Variants in USH2A observed in about 807,000 individuals in gnomAD.
USH2A encodes the protein usherin, also known as Usher syndrome 2A (autosomal recessive, mild).
A neutral mutation model predicts 538.9 loss-of-function variants in USH2A; 443 were observed. The observed-to-expected ratio is 0.82, with a 90% CI of 0.76 to 0.89. The LOEUF (loss-of-function observed/expected upper bound fraction) is 0.89. USH2A is among the 40% of genes least tolerant of loss of function. USH2A has a pLI of 0.00. For missense variants in USH2A, 6,633 were observed against 6,324.8 expected, an observed-to-expected ratio of 1.05 and a Z score of -1.65; for synonymous variants, 2,413 against 2,273.5, an observed-to-expected ratio of 1.06 and a Z score of -1.75.
chr1:216,139,443 A>T (rs763839798), intron 21 of USH2A, among the ~76,000 whole-genome samples: 1 of 152,044 alleles, frequency 6.6e-6, no homozygotes, highest in East Asian at 1.9e-4. Context: ...AAAAAGAAAA[A>T]ATTCATTTTC....
chr1:216,421,796 T>G, intron 2 of USH2A, 56 bp downstream of exon 2: 1 of 1,613,156 alleles, frequency 6.2e-7, no homozygotes, highest in Non-Finnish European at 8.5e-7. Flanking sequence ...TGAAATGATC[T>G]TCACTACTAC....
chr1:216,109,886 G>A (rs1293530183), intron 21 of USH2A, among the ~76,000 whole-genome samples: 1 of 152,000 alleles, frequency 6.6e-6, no homozygotes, highest in Non-Finnish European at 1.5e-5. Flanking sequence ...TGTAAAAATT[G>A]ATGTATTTAT....
At chr1:215,870,310 T>A (rs970054906) in intron 43 of USH2A, among the ~76,000 whole-genome samples, 2 of 151,678 alleles carry the variant, frequency 1.3e-5, no homozygotes, top group African/African-American at 4.8e-5. Flanking sequence ...TTATTTATTT[T>A]TTTGAGACGG....
intron 43 of USH2A, 65 bp downstream of exon 43, chr1:215,877,693 T>G: frequency 1.2e-6 from 2 of 1,607,932 alleles, no homozygotes; most frequent in Non-Finnish European, 1.7e-6. Flanking sequence ...CTGAGATACT[T>G]TGAACTATTC....
At chr1:215,782,390 TAA>T (rs1558095542) in intron 53 of USH2A, among the ~76,000 whole-genome samples, 194 bp from the exon 54 acceptor site, 1 of 151,800 alleles carries the variant, frequency 6.6e-6, no homozygotes, top group Non-Finnish European at 1.5e-5. Flanking sequence ...ACATAAATGA[TAA>T]GAGTCATTTA....
At chr1:215,761,998 C>A (rs1337294221) in intron 56 of USH2A, among the ~76,000 whole-genome samples, 1 of 152,174 alleles carries the variant, frequency 6.6e-6, no homozygotes. Flanking sequence ...GAACAAAATG[C>A]AATTTATTTA....
At chr1:216,190,985 A>G (rs1200896397) in intron 19 of USH2A, among the ~76,000 whole-genome samples, 1 of 152,090 alleles carries the variant, frequency 6.6e-6, no homozygotes, top group Non-Finnish European at 1.5e-5. Context: ...TATCTTTATC[A>G]TATAATTTCA....
At chr1:216,154,244 T>C (rs1470783152) in intron 21 of USH2A, among the ~76,000 whole-genome samples, 2 of 152,200 alleles carry the variant, frequency 1.3e-5, no homozygotes, top group East Asian at 3.9e-4. Flanking sequence ...TTCATTGAAA[T>C]TGTACAAGAT....
intron 40 of USH2A, among the ~76,000 whole-genome samples, chr1:215,891,129 A>G (rs1337798054): frequency 3.3e-5 from 5 of 152,182 alleles, no homozygotes; most frequent in Admixed American, 3.3e-4. Flanking sequence ...TGAAACATCC[A>G]TGATAATGAG....
intron 30 of USH2A, among the ~76,000 whole-genome samples, chr1:216,049,146 G>A (rs1303772471): frequency 1.3e-5 from 2 of 152,126 alleles, no homozygotes; most frequent in Non-Finnish European, 2.9e-5. Flanking sequence ...TTAACAGTAG[G>A]CGATACATAT....
intron 61 of USH2A, among the ~76,000 whole-genome samples, chr1:215,703,830 C>T (rs1240704957): frequency 6.6e-6 from 1 of 150,876 alleles, no homozygotes; most frequent in African/African-American, 2.4e-5. Context: ...ACAGTTCTGT[C>T]TTGCTGGGGT....
intron 32 of USH2A, among the ~76,000 whole-genome samples, chr1:216,032,174 A>G (rs1051825659): frequency 6.6e-6 from 1 of 152,208 alleles, no homozygotes; most frequent in South Asian, 2.1e-4. Context: ...TAAATTGAAC[A>G]TGAAGTTTAG....
intron 64 of USH2A, among the ~76,000 whole-genome samples, chr1:215,661,025 A>G (rs527777429): frequency 6.6e-6 from 1 of 152,368 alleles, no homozygotes; most frequent in South Asian, 2.1e-4. Flanking sequence ...ACTTAAGTAC[A>G]ATCCTCCTTA....
At chr1:216,332,496 A>T (rs898308298) in intron 4 of USH2A, among the ~76,000 whole-genome samples, 3 of 152,132 alleles carry the variant, frequency 2.0e-5, no homozygotes, top group Non-Finnish European at 4.4e-5. Flanking sequence ...GTATGTGCTC[A>T]GGTATATGCG....
rs1392409827 is a variant in USH2A, at chr1:216,135,164, T to TCA, written c.4628-37952_4628-37951insTG. On this transcript the variant is annotated intron_variant, in intron 21 of 71. Transcript: ENST00000307340. ...CTCTCTCTCTCTCTCTCTCTCTCTC[T>TCA]CTCACACACACACATACACACACAC... Among the ~76,000 whole-genome samples the TCA allele has an allele frequency of 4.6e-4, 29 of 62,600 alleles. No homozygotes were observed. In the East Asian group the frequency reaches 8.1e-3, roughly 18 times the overall value. The allele number at this position is 62,600 out of a possible 152,430, so 41.1% of individuals were successfully genotyped here.
chr1:215,904,987 C>A (rs1330745137), intron 38 of USH2A, among the ~76,000 whole-genome samples: 2 of 151,890 alleles, frequency 1.3e-5, no homozygotes, highest in African/African-American at 4.8e-5. Flanking sequence ...CAAAAGAAAA[C>A]AAAACACCAA....
chr1:216,173,374 T>C (rs2034309299), intron 21 of USH2A, among the ~76,000 whole-genome samples: 1 of 152,122 alleles, frequency 6.6e-6, no homozygotes, highest in African/African-American at 2.4e-5. Context: ...GCATCAGCAA[T>C]GTCCCAGAAC....
chr1:215,874,878 A>C (rs1312180957), intron 43 of USH2A, among the ~76,000 whole-genome samples: 1 of 152,182 alleles, frequency 6.6e-6, no homozygotes, highest in Admixed American at 6.5e-5. Context: ...TCAATTAAAA[A>C]CCCAGGAAAA....
At chr1:216,283,605 G>A (rs1157307604) in intron 11 of USH2A, among the ~76,000 whole-genome samples, 1 of 152,024 alleles carries the variant, frequency 6.6e-6, no homozygotes, top group East Asian at 1.9e-4. Context: ...GAAATATTTG[G>A]ATATAGTATT....
Sources: allele counts gnomAD v4.1 joint callset (sites outside exome capture counted in the v4.1 genomes callset), GRCh38; gene constraint gnomAD v4.1.1; transcripts MANE v1.5; gene names NCBI Gene and HGNC (gene_info 2026-07-23, HGNC 2026-07-21).